SCRIB: variants seen among roughly 807,000 people sequenced by gnomAD.
The protein encoded by SCRIB is protein scribble homolog.
A neutral mutation model predicts 170.0 loss-of-function variants in SCRIB; 72 were observed. The ratio of observed to expected loss-of-function variants is 0.42; its 90% CI spans 0.35 to 0.52. SCRIB has a LOEUF of 0.52. Among genes scored for constraint, SCRIB ranks in the 20% least tolerant of loss-of-function variants. The pLI, the probability that SCRIB is intolerant of heterozygous loss-of-function variation, is 0.02. For synonymous variants in SCRIB, 1,298 were observed against 1,044.3 expected, an observed-to-expected ratio of 1.24 and a Z score of -4.68; for missense variants, 2,475 against 2,338.5, an observed-to-expected ratio of 1.06 and a Z score of -1.20.
chr8:143,805,565 C>T (rs2130085587), intron 18 of SCRIB, 130 bp from the exon 19 acceptor site: 2 of 913,754 alleles, frequency 2.2e-6, no homozygotes, highest in East Asian at 6.0e-5. Flanking sequence ...GCCCCAGGCG[C>T]TGACATCACC....
At chr8:143,791,547 G>C in intron 35 of SCRIB, 107 bp from the exon 36 acceptor site, 1 of 1,573,448 alleles carries the variant, frequency 6.4e-7, no homozygotes. Flanking sequence ...GGCTGAAGGG[G>C]GAGGGGGGGT....
At position 143,803,913 on chromosome 8, in the gene SCRIB, TGCGA is replaced by T; in HGVS notation, c.3144_3147del (p.Arg1049AlafsTer12). ...ATGCGGTCCCCAACCCGCAGGCCGC[TGCGA>T]GCGGCCAGGCCCCGCGGGAGCACCT... is the stretch of plus-strand genomic sequence containing the variant. On this transcript the variant is annotated frameshift_variant, in exon 23 of 37. Coordinates refer to ENST00000356994, the MANE Select transcript of SCRIB (RefSeq NM_182706.5). LOFTEE classifies it high-confidence loss of function. The T allele has an allele frequency of 6.3e-7, 1 of 1,589,786 alleles. No homozygotes were observed. The highest frequency in any genetic ancestry group is 8.6e-7 in the Non-Finnish European group (1 of 1,167,666).
intron 24 of SCRIB, among the ~76,000 whole-genome samples, chr8:143,802,752 G>C (rs1554635214): frequency 2.0e-5 from 3 of 152,260 alleles, no homozygotes; most frequent in Non-Finnish European, 2.9e-5. Context: ...GGCTTGTCCA[G>C]GATCCAGGCC....
rs756657007 is a variant in SCRIB, at chr8:143,808,679, G to A, written c.2045C>T (p.Ala682Val). The change falls in exon 15 of 37, where the codon GCT becomes GTT. Residue 682 changes from alanine to valine, a missense_variant. Ala to Val is a moderately conservative substitution (Grantham distance 64). This residue lies in a region of SCRIB where 1,966 missense variants were observed against 1,742.9 expected (regional missense o/e 1.13). Transcript: ENST00000356994. ...EEEEEEEENR[A>V]EEEEASTEEE... ...CTCAGTGCTGGCCTCTTCCTCTTCA[G>A]CCCTGTTTTCCTCCTCCTCCTCTTC... The A allele has an allele frequency of 2.6e-6, 4 of 1,542,746 alleles. No homozygotes were observed. Among genetic ancestry groups the A allele is most frequent in the Non-Finnish European group, 3.5e-6 (4 of 1,147,538 alleles).
chr8:143,809,479 C>T, intron 14 of SCRIB, 72 bp downstream of exon 14: 1 of 1,527,790 alleles, frequency 6.5e-7, no homozygotes, highest in Non-Finnish European at 8.9e-7. Flanking sequence ...CCGATCCCAG[C>T]TGAGGCCCCG....
At position 143,793,056 on chromosome 8, in the gene SCRIB, G is replaced by T; in HGVS notation, c.3937C>A (p.Leu1313Met). The T allele has an allele frequency of 6.7e-7, 1 of 1,493,618 alleles. No homozygotes were observed. 92.5% of individuals were successfully genotyped at this position (1,493,618 alleles called of 1,614,324 possible). ...TAGGCCTGCTTCACATTGGCGGGCA[G>T]CTCATCCGGAGAAGGCGGGGAGGGC... Reference protein sequence around the residue: ...QPPSPPSPDELPANVKQAYRA... With the variant: ...QPPSPPSPDEMPANVKQAYRA... The change falls in exon 29 of 37, where the codon CTG (leucine) becomes ATG (methionine). Residue 1313 changes from leucine (L) to methionine (M), a missense_variant. This residue lies in a region of SCRIB where 1,966 missense variants were observed against 1,742.9 expected (regional missense o/e 1.13). Transcript: ENST00000356994.
At position 143,803,760 on chromosome 8, in the gene SCRIB, G is replaced by T; in HGVS notation, c.3301C>A (p.Leu1101Met). The change falls in exon 23 of 37, where the codon CTG becomes ATG. Residue 1101 changes from leucine (L) to methionine (M), a missense_variant. Leu to Met is a conservative substitution (Grantham distance 15, BLOSUM62 2). This residue lies in a region of SCRIB where 1,966 missense variants were observed against 1,742.9 expected (regional missense o/e 1.13). Coordinates refer to ENST00000356994, the MANE Select transcript of SCRIB (RefSeq NM_182706.5). ...TCCCCAGGTGCCTTCTGGATGCACA[G>T]TTCCCGTAGGCCCGGGGGTGCCGGG... ...RDPAPPGLRELCIQKAPGERL... is the reference protein window; with the variant it reads ...RDPAPPGLREMCIQKAPGERL... 1 of 1,601,392 alleles carries T rather than the reference G, an allele frequency of 6.2e-7. No homozygotes were observed.
chr8:143,800,617 G>C (rs1554634828), intron 24 of SCRIB, among the ~76,000 whole-genome samples: 1 of 152,270 alleles, frequency 6.6e-6, no homozygotes, highest in African/African-American at 2.4e-5. Flanking sequence ...GCTCACGCCT[G>C]GAAGCCTAGC....
chr8:143,809,748 C>A (rs772146186), intron 13 of SCRIB, 30 bp from the exon 14 acceptor site: 8 of 1,594,716 alleles, frequency 5.0e-6, no homozygotes, highest in Non-Finnish European at 6.8e-6. Flanking sequence ...CAGGCTTCGA[C>A]GGAGCTCCCG....
At chr8:143,792,176 G>A in intron 32 of SCRIB, 43 bp from the exon 33 acceptor site, 1 of 1,559,182 alleles carries the variant, frequency 6.4e-7, no homozygotes, top group Non-Finnish European at 8.6e-7. Context: ...GCAGGAGCAG[G>A]GACAGGCAGC....
At chr8:143,813,935 G>T in intron 2 of SCRIB, 39 bp from the exon 3 acceptor site, 1 of 1,597,660 alleles carries the variant, frequency 6.3e-7, no homozygotes, top group Non-Finnish European at 8.6e-7. Context: ...GCCATGGCCT[G>T]CAGGCCGTCT....
chr8:143,815,764 A>C lies in SCRIB; in HGVS notation c.-392T>G. 1.0e-6 allele frequency: 1 copy of C among 983,876 alleles called. No individual in the cohort carries two copies. The highest frequency in any genetic ancestry group is 1.2e-6 in the Non-Finnish European group (1 of 829,370). 60.9% of individuals were successfully genotyped at this position (983,876 alleles called of 1,614,324 possible). A position where few individuals can be genotyped will look rare whatever the true frequency, so the allele number is the denominator to read the frequency against. ...CCGGCCGCCGCGCAGCCCGTCGGGAAGCCGAGTCCGGCCCTCGCCGCCTAG... is the reference window on the plus strand; with the variant it reads ...CCGGCCGCCGCGCAGCCCGTCGGGACGCCGAGTCCGGCCCTCGCCGCCTAG... On this transcript the variant is annotated 5_prime_UTR_variant, in exon 1 of 37. Coordinates refer to ENST00000356994, the MANE Select transcript of SCRIB (RefSeq NM_182706.5).
chr8:143,797,551 G>A (rs1814993823), intron 24 of SCRIB, among the ~76,000 whole-genome samples: 1 of 152,240 alleles, frequency 6.6e-6, no homozygotes, highest in Non-Finnish European at 1.5e-5. Context: ...CAAGGGGCAG[G>A]AGTAACTGCA....
chr8:143,813,549 G>A (rs779821197), intron 4 of SCRIB, 23 bp from the exon 5 acceptor site: 2 of 1,613,192 alleles, frequency 1.2e-6, no homozygotes, highest in Non-Finnish European at 1.7e-6. Context: ...CCAGGCGCTG[G>A]GGCAAGAGGA....
chr8:143,793,406 C>T (rs1420759188), intron 28 of SCRIB: 7 of 197,474 alleles, frequency 3.5e-5, no homozygotes, highest in African/African-American at 1.3e-4. Context: ...AGGCAAGGGA[C>T]GGGGGTAGAG....
intron 15 of SCRIB, among the ~76,000 whole-genome samples, chr8:143,807,964 G>A (rs1815506399): frequency 6.6e-6 from 1 of 152,238 alleles, no homozygotes; most frequent in African/African-American, 2.4e-5. Flanking sequence ...CCAGAGAGCA[G>A]GTGAGACCCT....
At chr8:143,810,363 A>G in intron 13 of SCRIB, 116 bp downstream of exon 13, 1 of 1,439,100 alleles carries the variant, frequency 6.9e-7, no homozygotes, top group Admixed American at 1.9e-5. Context: ...CACCAGCCTC[A>G]TCTCCTGCTC....
At position 143,815,530 on chromosome 8, in the gene SCRIB, G is replaced by A. The variant is rs2130181537; in HGVS notation, c.-158C>T. The A allele has an allele frequency of 5.1e-6, 5 of 980,448 alleles. No homozygotes were observed. Among genetic ancestry groups the A allele is most frequent in the Admixed American group, 6.3e-5 (1 of 15,892 alleles). 60.7% of individuals were successfully genotyped at this position (980,448 alleles called of 1,614,324 possible). A position where few individuals can be genotyped will look rare whatever the true frequency, so the allele number is the denominator to read the frequency against. ...GGGGACGCGGCCGCGGCCGGCGCTG[G>A]GCCCGGCCCGCGCTCGGAACGCTCG... On this transcript the variant is annotated 5_prime_UTR_variant, in exon 1 of 37. Coordinates refer to ENST00000356994, the MANE Select transcript of SCRIB (RefSeq NM_182706.5).
rs781801208 is a variant in SCRIB, at chr8:143,792,026, G to C, written c.4622C>G (p.Ser1541Cys). The C allele has an allele frequency of 6.4e-7, 1 of 1,563,650 alleles. No homozygotes were observed. The highest frequency in any genetic ancestry group is 1.4e-5 in the African/African-American group (1 of 73,774). Residue 1541 changes from serine to cysteine, a missense_variant, in exon 33 of 37, where the codon TCC becomes TGC. Transcript: ENST00000356994. ...GGTGGGCGACGGGGTGGGCGCAGGGGAAGGGGCCTCGGCCAGTCGCTCCAG... is the reference window on the plus strand; with the variant it reads ...GGTGGGCGACGGGGTGGGCGCAGGGCAAGGGGCCTCGGCCAGTCGCTCCAG... ...GPLERLAEAP[S>C]PAPTPSPTPV...
Sources: gnomAD v4.1 joint callset for allele counts (sites outside exome capture counted in the v4.1 genomes callset) on GRCh38, gnomAD v4.1.1 for gene constraint, gnomAD v4.1.1 regional missense constraint, MANE v1.5 for transcripts, NCBI Gene and HGNC (gene_info 2026-07-23, HGNC 2026-07-21) for gene names.